Variants in LINGO2 observed in about 807,000 individuals in gnomAD.
The protein encoded by LINGO2 is leucine rich repeat and Ig domain containing 2, also known as leucine-rich repeat and immunoglobulin-like domain-containing nogo receptor-interacting protein 2.
Under a neutral mutation model 30.6 loss-of-function variants are expected in LINGO2, and 14 were observed. The observed-to-expected ratio is 0.46, with a 90% confidence interval of 0.30 to 0.72. The LOEUF (loss-of-function observed/expected upper bound fraction) is 0.72, where lower values mean the gene tolerates loss of function less well. Among genes scored for constraint, LINGO2 ranks in the 30% least tolerant of loss-of-function variants. The pLI is 0.07. For synonymous variants in LINGO2, 317 were observed against 288.5 expected (o/e 1.10, Z -1.00); for missense variants, 729 against 751.7 (o/e 0.97, Z 0.35).
the LINGO2 span, among the ~76,000 whole-genome samples, chr9:29,044,775 G>C: frequency 6.6e-6 from 1 of 152,018 alleles, no homozygotes; most frequent in Admixed American, 6.6e-5. Flanking sequence ...AAGACCCCCA[G>C]TGGACACTTG....
At chr9:28,077,254 G>T (rs187019421) in intron 4 of LINGO2, among the ~76,000 whole-genome samples, 18 of 152,206 alleles carry the variant, frequency 1.2e-4, no homozygotes, top group African/African-American at 4.1e-4. Flanking sequence ...CAAAATCTTA[G>T]ATAGGAAGTA....
chr9:29,080,927 G>A, the LINGO2 span, among the ~76,000 whole-genome samples: 1 of 152,040 alleles, frequency 6.6e-6, no homozygotes. Flanking sequence ...ATATACTGTT[G>A]ATTTGGGGTG....
the LINGO2 span, among the ~76,000 whole-genome samples, chr9:28,817,501 C>A: frequency 3.3e-5 from 5 of 152,192 alleles, no homozygotes; most frequent in Non-Finnish European, 7.3e-5. Context: ...TCTGCTAGTA[C>A]AGCTTTGTCC....
chr9:29,082,192 C>T, the LINGO2 span, among the ~76,000 whole-genome samples: 1 of 152,138 alleles, frequency 6.6e-6, no homozygotes, highest in African/African-American at 2.4e-5. Flanking sequence ...TACAAGGCTA[C>T]AGTAACCAAA....
At chr9:28,051,322 G>GAA (rs1824662448) in intron 4 of LINGO2, among the ~76,000 whole-genome samples, 1 of 152,072 alleles carries the variant, frequency 6.6e-6, no homozygotes, top group African/African-American at 2.4e-5. Context: ...CGTCTCTGCA[G>GAA]AAAAGTTTCT....
chr9:28,848,177 A>AT, the LINGO2 span, among the ~76,000 whole-genome samples: 1 of 100,744 alleles, frequency 9.9e-6, no homozygotes, highest in Non-Finnish European at 1.8e-5. Context: ...GTGTATATAT[A>AT]CACACTATAT....
At chr9:29,147,850 T>C in the LINGO2 span, among the ~76,000 whole-genome samples, 3 of 152,102 alleles carry the variant, frequency 2.0e-5, no homozygotes, top group African/African-American at 4.8e-5. Flanking sequence ...ACTAAATGAA[T>C]GTACAGCAGA....
the LINGO2 span, among the ~76,000 whole-genome samples, chr9:28,947,141 A>C: frequency 2.0e-5 from 3 of 151,896 alleles, no homozygotes; most frequent in East Asian, 1.9e-4. Flanking sequence ...ATATCTCTCT[A>C]TATATCTATA....
chr9:28,055,785 T>C (rs1187142572), intron 4 of LINGO2, among the ~76,000 whole-genome samples: 1 of 152,172 alleles, frequency 6.6e-6, no homozygotes, highest in Non-Finnish European at 1.5e-5. Context: ...CTATCTTTAG[T>C]TCTATTTGAA....
intron 1 of LINGO2, among the ~76,000 whole-genome samples, chr9:28,591,974 A>G (rs1824935362): frequency 6.6e-6 from 1 of 152,056 alleles, no homozygotes; most frequent in African/African-American, 2.4e-5. Context: ...GCTCCATCTA[A>G]GGTATTTTTT....
At chr9:28,835,982 C>G in the LINGO2 span, among the ~76,000 whole-genome samples, 1 of 152,078 alleles carries the variant, frequency 6.6e-6, no homozygotes, top group South Asian at 2.1e-4. Flanking sequence ...TCTTCAGAAC[C>G]TGGATATATC....
chr9:28,443,738 C>G (rs1408210471), intron 2 of LINGO2, among the ~76,000 whole-genome samples: 1 of 152,202 alleles, frequency 6.6e-6, no homozygotes, highest in African/African-American at 2.4e-5. Flanking sequence ...GAGGGTGACT[C>G]AGTGTGGGCC....
At chr9:28,922,826 C>T in the LINGO2 span, among the ~76,000 whole-genome samples, 4 of 152,110 alleles carry the variant, frequency 2.6e-5, no homozygotes, top group East Asian at 3.9e-4. Flanking sequence ...TAACCAGAAG[C>T]TGCGAATGTT....
chr9:28,841,916 T>C, the LINGO2 span, among the ~76,000 whole-genome samples: 115 of 151,914 alleles, frequency 7.6e-4, no homozygotes, highest in East Asian at 4.6e-3. Flanking sequence ...CTTCCTCATT[T>C]AGATAATCTG....
the LINGO2 span, among the ~76,000 whole-genome samples, chr9:29,019,823 A>AT: frequency 6.6e-6 from 1 of 152,194 alleles, no homozygotes. Context: ...ATATCTTTCT[A>AT]TTCCATTCCT....
chr9:28,379,052 A>C (rs550129496), intron 2 of LINGO2, among the ~76,000 whole-genome samples: 1 of 152,310 alleles, frequency 6.6e-6, no homozygotes, highest in East Asian at 1.9e-4. Context: ...TCCAGGACAG[A>C]GCTTATCAGC....
chr9:28,984,364 A>G, the LINGO2 span, among the ~76,000 whole-genome samples: 1 of 152,130 alleles, frequency 6.6e-6, no homozygotes, highest in Non-Finnish European at 1.5e-5. Context: ...TCTGCAACAC[A>G]CTAATGCTAA....
chr9:28,097,732 GC>G (rs1463245830), intron 4 of LINGO2, among the ~76,000 whole-genome samples: 7 of 150,264 alleles, frequency 4.7e-5, no homozygotes, highest in African/African-American at 1.7e-4. Context: ...TATACCTAAT[GC>G]TAAATGACGA....
chr9:28,525,981 G>A (rs551089615), intron 1 of LINGO2, among the ~76,000 whole-genome samples: 1 of 142,916 alleles, frequency 7.0e-6, no homozygotes, highest in South Asian at 2.3e-4. Flanking sequence ...GCATGAACCC[G>A]GGAGGCAGAG....
Sources: allele counts gnomAD v4.1 joint callset (sites outside exome capture counted in the v4.1 genomes callset), GRCh38; gene constraint gnomAD v4.1.1; transcripts MANE v1.5; gene names NCBI Gene and HGNC (gene_info 2026-07-23, HGNC 2026-07-21).